NLRP1: variants seen among roughly 807,000 people sequenced by gnomAD.
NLRP1 encodes NACHT, LRR and PYD domains-containing protein 1.
NLRP1 carries 94 observed loss-of-function variants against 136.7 expected under a neutral mutation model. The observed-to-expected ratio is 0.69, with a 90% CI of 0.58 to 0.82. The LOEUF is 0.82. NLRP1 is among the 40% of genes least tolerant of loss of function. The pLI is 0.00. For missense variants in NLRP1, 1,575 were observed against 1,802.7 expected, an observed-to-expected ratio of 0.87 and a Z score of 2.29; for synonymous variants, 690 against 725.1, an observed-to-expected ratio of 0.95 and a Z score of 0.78.
intron 3 of NLRP1, among the ~76,000 whole-genome samples, chr17:5,572,604 G>A (rs542483570): frequency 5.3e-5 from 8 of 152,018 alleles, no homozygotes; most frequent in East Asian, 1.9e-4. Flanking sequence ...CAGCTACTTG[G>A]GAGGGTGAGG....
intron 15 of NLRP1, among the ~76,000 whole-genome samples, 154 bp from the exon 16 acceptor site, chr17:5,515,671 G>C (rs147476169): frequency 0.011 from 1,651 of 152,298 alleles, 33 homozygotes; most frequent in African/African-American, 0.037. Context: ...GAGCTGGAAG[G>C]GTCCTTAGAG....
In NLRP1 at chr17:5,525,120, G is replaced by T. The variant is rs575597341; in HGVS notation, c.3521-3334C>A. Among the ~76,000 whole-genome samples the T allele has an allele frequency of 3.3e-5, 5 of 152,294 alleles. No homozygotes were observed. The South Asian group carries it at 8.3e-4, about 25-fold the overall frequency. The stretch of plus-strand genomic sequence containing the variant: ...AGAAAGACCTACGCTGCCTTTGGCT[G>T]GTTGCACCAGAAAAATTTAGAAAAA... On this transcript the variant is annotated intron_variant, in intron 12 of 16. Transcript: ENST00000572272.
chr17:5,573,315 T>C (rs1206037734), intron 3 of NLRP1, among the ~76,000 whole-genome samples: 1 of 152,034 alleles, frequency 6.6e-6, no homozygotes, highest in Non-Finnish European at 1.5e-5. Flanking sequence ...ACAAAGCAGC[T>C]GGGAAGCTTG....
At chr17:5,515,772 G>A (rs952703590) in intron 15 of NLRP1, among the ~76,000 whole-genome samples, 2 of 152,188 alleles carry the variant, frequency 1.3e-5, no homozygotes, top group African/African-American at 2.4e-5. Context: ...CCAAATGAGC[G>A]ATAGCAATTT....
chr17:5,564,734 GTTT>G (rs59428190), intron 3 of NLRP1, among the ~76,000 whole-genome samples: 2 of 97,818 alleles, frequency 2.0e-5, no homozygotes, highest in African/African-American at 4.2e-5. Flanking sequence ...AATTTTTAGT[GTTT>G]TTTTTTTTTT....
intron 5 of NLRP1, among the ~76,000 whole-genome samples, chr17:5,548,869 T>C (rs1327738312): frequency 6.6e-6 from 1 of 152,140 alleles, no homozygotes; most frequent in African/African-American, 2.4e-5. Flanking sequence ...CTCAGGCTTG[T>C]TTGTTGGCTC....
At position 5,521,602 on chromosome 17, in the gene NLRP1, C is replaced by T. The variant is rs200862584; in HGVS notation, c.3705G>A (p.Val1235=). 1.8e-5 allele frequency: 29 copies of T among 1,614,024 alleles called. 1 individual carries two copies. In the South Asian group the frequency reaches 2.9e-4, roughly 16 times the overall value. ...CAGGATGGACGCGGTGGTAAAGCAA[C>T]ACCACAGAGGTGACGGGAATGAAGC... The part of the protein sequence containing the change: ...ALRFIPVTSV[V]LLYHRVHPEE... Residue 1235 remains valine (V), a synonymous_variant, in exon 13 of 17, where the codon GTG becomes GTA. Transcript: ENST00000572272.
rs1353298186 is a variant in NLRP1, at chr17:5,582,002, C to T, written c.509G>A (p.Ser170Asn). Residue 170 changes from serine to asparagine, a missense_variant, in exon 3 of 17, where the codon AGC becomes AAC. Ser to Asn is a conservative substitution (Grantham distance 46, BLOSUM62 1). Transcript: ENST00000572272. ...LPSSPDHESP[S>N]QESPNAPTST... ...TGTGGGGGCGTTGGGTGACTCCTGG[C>T]TTGGAGACTCATGGTCTGGGGAGCT... is the stretch of plus-strand genomic sequence containing the variant. 6.2e-7 allele frequency: 1 copy of T among 1,613,608 alleles called. No homozygotes were observed. The highest frequency in any genetic ancestry group is 1.7e-5 in the Admixed American group (1 of 59,904).
At chr17:5,568,058 A>G (rs1915511162) in intron 3 of NLRP1, among the ~76,000 whole-genome samples, 1 of 151,904 alleles carries the variant, frequency 6.6e-6, no homozygotes, top group Non-Finnish European at 1.5e-5. Flanking sequence ...GGTTAAATCT[A>G]CTCGGTGTTC....
intron 5 of NLRP1, among the ~76,000 whole-genome samples, chr17:5,543,678 A>T (rs2151778642): frequency 6.6e-6 from 1 of 151,454 alleles, no homozygotes; most frequent in Admixed American, 6.6e-5. Context: ...AAAAAATGCA[A>T]GATCCCTGAG....
At chr17:5,568,385 G>C (rs1326050198) in intron 3 of NLRP1, among the ~76,000 whole-genome samples, 2 of 152,038 alleles carry the variant, frequency 1.3e-5, no homozygotes, top group Non-Finnish European at 2.9e-5. Flanking sequence ...AATTTTTTCA[G>C]CTCCAGAATT....
In NLRP1 at chr17:5,535,562, C is replaced by T. The variant is rs1007049657; in HGVS notation, c.2960+1289G>A. Among the ~76,000 whole-genome samples, 4 of 152,310 alleles carry T rather than the reference C, an allele frequency of 2.6e-5. No homozygotes were observed. The South Asian group carries it at 6.2e-4, about 24-fold the overall frequency. On this transcript the variant is annotated intron_variant, in intron 8 of 16. Transcript: ENST00000572272. ...CTCACACTGACCCCAGGTGCATTTG[C>T]GCAGACACTTCTGGGATAACCTGTG... is the stretch of plus-strand genomic sequence containing the variant.
Position 5,523,195 on chromosome 17 carries a change from C to T in NLRP1, c.3521-1409G>A, listed in dbSNP as rs146479978. On this transcript the variant is annotated intron_variant, in intron 12 of 16. Transcript: ENST00000572272. ...CAGCTACTTAGGAGGCTGAGGTGGG[C>T]GGATCACTTGAACCCAGAAGTTCAA... Among the ~76,000 whole-genome samples, 10 of 152,112 alleles carry T rather than the reference C, an allele frequency of 6.6e-5. No homozygotes were observed. In the East Asian group the frequency reaches 1.5e-3, roughly 24 times the overall value.
Position 5,584,006 on chromosome 17 carries a change from AG to A in NLRP1, c.-50del. 1 of 1,567,900 alleles carries A rather than the reference AG, an allele frequency of 6.4e-7. No homozygotes were observed. Among genetic ancestry groups the A allele is most frequent in the Non-Finnish European group, 8.7e-7 (1 of 1,152,932 alleles). On this transcript the variant is annotated 5_prime_UTR_variant, in exon 1 of 17. Coordinates refer to ENST00000572272, the MANE Select transcript of NLRP1 (RefSeq NM_033004.4). ...GTCTGGGGGATGTTCCCAGGTGGTG[AG>A]GGTATCAGGCAGGCAGAGAACAGTG...
At chr17:5,521,053 C>A (rs199627173) in intron 13 of NLRP1, 41 bp from the exon 14 acceptor site, 1 of 1,556,830 alleles carries the variant, frequency 6.4e-7, no homozygotes, top group Non-Finnish European at 8.7e-7. Context: ...AGGCTTCTGC[C>A]CCGTGGAATG....
At position 5,516,615 on chromosome 17, in the gene NLRP1, CTTTG is replaced by C. The variant is rs376042145; in HGVS notation, c.4058-1102_4058-1099del. Among the ~76,000 whole-genome samples, 44 of 152,328 alleles carry C rather than the reference CTTTG, an allele frequency of 2.9e-4. No homozygotes were observed. The East Asian group carries it at 8.5e-3, about 29-fold the overall frequency. ...CTGCATGAGGCATGTATAGACATCGCTTTGTTTAATCTTTCCAGCATTCCTACAA... is the reference window on the plus strand; with the variant it reads ...CTGCATGAGGCATGTATAGACATCGCTTTAATCTTTCCAGCATTCCTACAA... On this transcript the variant is annotated intron_variant, in intron 15 of 16. Coordinates refer to ENST00000572272, the MANE Select transcript of NLRP1 (RefSeq NM_033004.4).
chr17:5,565,208 T>G (rs1161385037), intron 3 of NLRP1, among the ~76,000 whole-genome samples: 1 of 152,188 alleles, frequency 6.6e-6, no homozygotes, highest in Non-Finnish European at 1.5e-5. Context: ...GATATTGCAG[T>G]TTTCATTTGC....
intron 3 of NLRP1, 95 bp from the exon 4 acceptor site, chr17:5,560,138 C>G (rs913468635): frequency 8.7e-7 from 1 of 1,143,892 alleles, no homozygotes; most frequent in Non-Finnish European, 1.2e-6. Flanking sequence ...CTCCAAGCCA[C>G]ACACTGCGCT....
intron 15 of NLRP1, among the ~76,000 whole-genome samples, chr17:5,506,172 T>C (rs1270522705): frequency 6.6e-6 from 1 of 151,610 alleles, no homozygotes; most frequent in Non-Finnish European, 1.5e-5. Flanking sequence ...TAATCACGGC[T>C]ACCCGAGAGG....
Sources: gnomAD v4.1 joint callset for allele counts (sites outside exome capture counted in the v4.1 genomes callset) on GRCh38, gnomAD v4.1.1 for gene constraint, MANE v1.5 for transcripts, NCBI Gene and HGNC (gene_info 2026-07-23, HGNC 2026-07-21) for gene names.